Variants in THOC2 observed in about 807,000 individuals in gnomAD.
THOC2 encodes THO complex subunit 2, also known as THO complex 2.
A neutral mutation model predicts 128.4 loss-of-function variants in THOC2; 10 were observed. The ratio of observed to expected loss-of-function variants is 0.08; its 90% CI spans 0.05 to 0.13. The LOEUF is 0.13. Among genes scored for constraint, THOC2 ranks in the 10% least tolerant of loss-of-function variants. The pLI is 1.00. For missense variants in THOC2, 535 were observed against 1,155.7 expected (o/e 0.46, Z 7.79); for synonymous variants, 393 against 396.9 (o/e 0.99, Z 0.12).
rs1414364449 is a variant in THOC2 at position 123,668,033 on chromosome X, A to G, written c.1017+126T>C. 6.4e-6 allele frequency: 3 copies of G among 469,806 alleles called. No individual in the cohort carries two copies. In the East Asian group the frequency reaches 1.3e-4, roughly 21 times the overall value. 38.7% of individuals were successfully genotyped at this position (469,806 alleles called of 1,213,427 possible). On this transcript the variant is annotated intron_variant, in intron 10 of 38. Transcript: ENST00000245838. ...ATAAAACCACTGTAGCAAATGATCCAGAAAATGAGGTTTCAGCAAAATGAA... is the reference window on the plus strand; with the variant it reads ...ATAAAACCACTGTAGCAAATGATCCGGAAAATGAGGTTTCAGCAAAATGAA...
Position 123,644,884 on chromosome X carries a change from C to T in THOC2, c.1454G>A (p.Ser485Asn). The change falls in exon 14 of 39, where the codon AGC becomes AAC. Residue 485 changes from serine (S) to asparagine (N), a missense_variant. Ser to Asn is a conservative substitution (Grantham distance 46). Transcript: ENST00000245838. ...KTEVILSCLL[S>N]ITDQVLLPSL... ...TGGAAGTAGTACCTGGTCAGTAATGCTAAGCAAACAGCTAAGGATAACTTC... is the reference window on the plus strand; with the variant it reads ...TGGAAGTAGTACCTGGTCAGTAATGTTAAGCAAACAGCTAAGGATAACTTC... 4.1e-6 allele frequency: 5 copies of T among 1,204,994 alleles called. No individual in the cohort carries two copies. The highest frequency in any genetic ancestry group is 5.6e-6 in the Non-Finnish European group (5 of 891,839).
At chrX:123,651,939 G>C (rs1423584676) in intron 12 of THOC2, among the ~76,000 whole-genome samples, 2 of 111,539 alleles carry the variant, frequency 1.8e-5, no homozygotes, top group African/African-American at 6.5e-5. Context: ...CACCACCCTA[G>C]CTCATTTTAC....
rs146659773 is a variant in THOC2 at position 123,613,337 on chromosome X, T to C, written c.4677+62A>G. 3.3e-4 allele frequency: 367 copies of C among 1,102,932 alleles called. No individual in the cohort carries two copies. In the African/African-American group the frequency reaches 5.5e-3, roughly 16 times the overall value. The allele number at this position is 1,102,932 out of a possible 1,213,427, so 90.9% of individuals were successfully genotyped here. A position where few individuals can be genotyped will look rare whatever the true frequency, so the allele number is the denominator to read the frequency against. On this transcript the variant is annotated intron_variant, in intron 36 of 38. Coordinates refer to ENST00000245838, the MANE Select transcript of THOC2 (RefSeq NM_001081550.2). ...ACTAGGAAAAAAATTCAATATTTGC[T>C]AAATTTTCAGGATTGATTTTTTTAA...
rs188745155 is a variant in THOC2, at chrX:123,731,679, T to C, written c.71+1273A>G. ...ACCCAAGGTCACTCAGCTACTTAAG[T>C]GGCTAAGACAGCCGCTTATTTAGGG... On this transcript the variant is annotated intron_variant, in intron 1 of 38. Transcript: ENST00000245838. 5.7e-3 allele frequency among the ~76,000 whole-genome samples: 637 copies of C among 110,789 alleles called. 3 individuals are homozygous for C. The highest frequency in any genetic ancestry group is 0.023 in the Middle Eastern group (5 of 216).
chrX:123,642,832 T>C (rs1302119770), intron 15 of THOC2, among the ~76,000 whole-genome samples: 1 of 110,903 alleles, frequency 9.0e-6, no homozygotes, highest in African/African-American at 3.3e-5. Context: ...TAAACAGTGG[T>C]TACTTTTCCT....
chrX:123,677,768 G>A (rs1372292806), intron 8 of THOC2, among the ~76,000 whole-genome samples: 1 of 109,101 alleles, frequency 9.2e-6, no homozygotes. Context: ...TACTTGGGAG[G>A]CTGAGGCAGG....
chrX:123,686,197 G>A (rs1224171792), intron 8 of THOC2, among the ~76,000 whole-genome samples: 1 of 110,499 alleles, frequency 9.0e-6, no homozygotes, highest in East Asian at 2.8e-4. Flanking sequence ...TATTCACACT[G>A]CCACATCTTG....
intron 8 of THOC2, among the ~76,000 whole-genome samples, chrX:123,680,020 T>G (rs146325216): frequency 2.7e-5 from 3 of 112,009 alleles, no homozygotes; most frequent in East Asian, 2.8e-4. Flanking sequence ...CTCCACGTGA[T>G]AGCCTGAGAT....
intron 34 of THOC2, 147 bp from the exon 35 acceptor site, chrX:123,613,855 A>C: frequency 1.4e-6 from 1 of 701,597 alleles, no homozygotes. Flanking sequence ...ATGAAAGACA[A>C]GCAGAGCTGA....
rs909269528 is a variant in THOC2, at chrX:123,624,052, T to C, written c.3318+8A>G. The C allele has an allele frequency of 1.7e-6, 2 of 1,181,366 alleles. No individual in the cohort carries two copies. Among genetic ancestry groups the C allele is most frequent in the Non-Finnish European group, 2.3e-6 (2 of 886,195 alleles). On this transcript the variant is annotated splice_region_variant and intron_variant, in intron 27 of 38. Coordinates refer to ENST00000245838, the MANE Select transcript of THOC2 (RefSeq NM_001081550.2). ...ATTTGCCTTTGAAAAATCCAATTTT[T>C]TTTTTACCTTGGTTAGTTTGTAATG...
chrX:123,614,983 T>C (rs1288428942), intron 33 of THOC2, among the ~76,000 whole-genome samples: 1 of 111,786 alleles, frequency 8.9e-6, no homozygotes, highest in Non-Finnish European at 1.9e-5. Context: ...AACTAAATAA[T>C]TGAGAGATAA....
intron 8 of THOC2, among the ~76,000 whole-genome samples, chrX:123,677,340 T>C (rs2049540212): frequency 8.9e-6 from 1 of 111,855 alleles, no homozygotes; most frequent in Non-Finnish European, 1.9e-5. Flanking sequence ...TACACTACTA[T>C]ATATTTTATA....
intron 8 of THOC2, among the ~76,000 whole-genome samples, chrX:123,680,047 G>A (rs766619927): frequency 1.8e-5 from 2 of 111,910 alleles, no homozygotes; most frequent in South Asian, 7.7e-4. Context: ...TCGTGGGAAG[G>A]GAAAGACCTG....
chrX:123,621,695 G>A (rs977978326), intron 30 of THOC2, 108 bp from the exon 31 acceptor site: 4 of 596,913 alleles, frequency 6.7e-6, no homozygotes, highest in African/African-American at 2.3e-5. Flanking sequence ...AAAAATACTA[G>A]AACTAAGGGG....
At chrX:123,618,573 T>A (rs2046975733) in intron 33 of THOC2, among the ~76,000 whole-genome samples, 1 of 111,925 alleles carries the variant, frequency 8.9e-6, no homozygotes, top group Non-Finnish European at 1.9e-5. Context: ...TGGCAAGCAA[T>A]ATTTATGCTG....
chrX:123,727,245 T>TAAAA (rs111672267), intron 1 of THOC2, among the ~76,000 whole-genome samples: 1 of 104,229 alleles, frequency 9.6e-6, no homozygotes, highest in African/African-American at 3.5e-5. Context: ...AATTTTTTAA[T>TAAAA]AAAAAAAAAA....
chrX:123,645,646 T>C (rs1345893592), intron 12 of THOC2, among the ~76,000 whole-genome samples: 1 of 112,612 alleles, frequency 8.9e-6, no homozygotes, highest in African/African-American at 3.2e-5. Flanking sequence ...CATCCTAAAA[T>C]TGATCTAAGA....
At chrX:123,603,501 A>C in intron 38 of THOC2, 2 of 591,770 alleles carry the variant, frequency 3.4e-6, no homozygotes, top group Non-Finnish European at 5.5e-6. Context: ...CGAGTAAAAA[A>C]TGTATACACA....
chrX:123,704,717 G>C, intron 3 of THOC2, among the ~76,000 whole-genome samples: 1 of 111,138 alleles, frequency 9.0e-6, no homozygotes, highest in Non-Finnish European at 1.9e-5. Flanking sequence ...AATTAGCCGG[G>C]TGTGGTGGCA....
Sources: allele counts gnomAD v4.1 joint callset (sites outside exome capture counted in the v4.1 genomes callset), GRCh38; gene constraint gnomAD v4.1.1; transcripts MANE v1.5; gene names NCBI Gene and HGNC (gene_info 2026-07-23, HGNC 2026-07-21).